GLI3: variants seen among roughly 807,000 people sequenced by gnomAD.
GLI3 encodes transcription activator GLI3.
A neutral mutation model predicts 100.8 loss-of-function variants in GLI3; 20 were observed. The ratio of observed to expected loss-of-function variants is 0.20; its 90% CI spans 0.14 to 0.29. The LOEUF (loss-of-function observed/expected upper bound fraction) is 0.29. Among genes scored for constraint, GLI3 ranks in the 10% least tolerant of loss-of-function variants. The pLI is 1.00. For synonymous variants in GLI3, 938 were observed against 860.5 expected, an observed-to-expected ratio of 1.09 and a Z score of -1.58; for missense variants, 2,040 against 2,128.5, an observed-to-expected ratio of 0.96 and a Z score of 0.82.
At chr7:42,193,722 A>G (rs1294352964) in intron 2 of GLI3, among the ~76,000 whole-genome samples, 1 of 152,170 alleles carries the variant, frequency 6.6e-6, no homozygotes, top group African/African-American at 2.4e-5. Flanking sequence ...CTGGATATAA[A>G]TCAAACAGGC....
At chr7:42,052,282 G>A (rs1439436126) in intron 4 of GLI3, among the ~76,000 whole-genome samples, 2 of 152,120 alleles carry the variant, frequency 1.3e-5, no homozygotes, top group African/African-American at 4.8e-5. Context: ...TCTGTGTCCA[G>A]GTTTTTTGTG....
chr7:42,045,586 T>C, intron 5 of GLI3, 56 bp from the exon 6 acceptor site: 1 of 1,545,870 alleles, frequency 6.5e-7, no homozygotes, highest in East Asian at 2.3e-5. Flanking sequence ...ACTAGAAGTT[T>C]CTCTTGAGGC....
intron 1 of GLI3, among the ~76,000 whole-genome samples, chr7:42,236,141 A>G (rs1747525615): frequency 6.6e-6 from 1 of 152,126 alleles, no homozygotes; most frequent in South Asian, 2.1e-4. Flanking sequence ...TCCGCTTCGG[A>G]CAATCTGCTT....
intron 3 of GLI3, among the ~76,000 whole-genome samples, chr7:42,116,901 T>TA (rs1352321769): frequency 1.3e-5 from 2 of 152,094 alleles, no homozygotes; most frequent in East Asian, 1.9e-4. Flanking sequence ...CTCAGCTACT[T>TA]ACGGCAATTC....
chr7:42,237,835 C>A (rs1349025611), upstream of GLI3: 1 of 151,342 alleles, frequency 6.6e-6, no homozygotes, highest in African/African-American at 2.4e-5. Flanking sequence ...GCTTCTCCCG[C>A]CCGCCGGGTC....
chr7:42,234,218 G>C (rs1160616567), intron 1 of GLI3, among the ~76,000 whole-genome samples: 1 of 152,116 alleles, frequency 6.6e-6, no homozygotes, highest in Non-Finnish European at 1.5e-5. Context: ...CCATGTAAGT[G>C]AGTGCATGCA....
intron 12 of GLI3, among the ~76,000 whole-genome samples, chr7:41,975,015 C>A (rs1022782046): frequency 1.3e-5 from 2 of 152,170 alleles, no homozygotes; most frequent in African/African-American, 2.4e-5. Context: ...TCTCAAGTCT[C>A]CCTATAGGAA....
At chr7:42,100,441 A>G (rs1785434551) in intron 3 of GLI3, among the ~76,000 whole-genome samples, 1 of 152,164 alleles carries the variant, frequency 6.6e-6, no homozygotes. Flanking sequence ...TGTCTTTATA[A>G]GAGGGGATCT....
intron 2 of GLI3, among the ~76,000 whole-genome samples, chr7:42,192,464 C>CA (rs1178687176): frequency 2.0e-5 from 3 of 151,612 alleles, no homozygotes; most frequent in Non-Finnish European, 4.4e-5. Context: ...TAGATAAAGA[C>CA]AAAAGAAAAG....
At chr7:42,055,116 C>CACATATATGTATATATACACAT (rs1784432696) in intron 4 of GLI3, among the ~76,000 whole-genome samples, 1 of 126,092 alleles carries the variant, frequency 7.9e-6, no homozygotes, top group South Asian at 2.5e-4. Context: ...TATATATACA[C>CACATATATGTATATATACACAT]ATATATATAC....
chr7:42,241,091 G>C (rs1032576022), upstream of GLI3, among the ~76,000 whole-genome samples: 1 of 152,134 alleles, frequency 6.6e-6, no homozygotes, highest in Non-Finnish European at 1.5e-5. Flanking sequence ...TTGGGTGGCT[G>C]TTTTTATTGA....
At chr7:42,117,054 A>T (rs1785877250) in intron 3 of GLI3, among the ~76,000 whole-genome samples, 1 of 152,226 alleles carries the variant, frequency 6.6e-6, no homozygotes, top group Non-Finnish European at 1.5e-5. Context: ...AATTGTAGGT[A>T]AACGCTCAAC....
At chr7:41,991,353 G>A (rs9648516) in intron 10 of GLI3, among the ~76,000 whole-genome samples, 20,331 of 152,094 alleles carry the variant, frequency 0.13, 1,503 homozygotes, top group East Asian at 0.29. Flanking sequence ...AAGCCCCTCC[G>A]CTTCGGCATG....
At chr7:42,185,633 G>A (rs1486669181) in intron 2 of GLI3, among the ~76,000 whole-genome samples, 3 of 152,226 alleles carry the variant, frequency 2.0e-5, no homozygotes, top group Admixed American at 1.3e-4. Flanking sequence ...ATGTGCTACA[G>A]CTTCCCTTGT....
At chr7:42,180,598 C>CGCTCAGCA (rs1024934838) in intron 2 of GLI3, among the ~76,000 whole-genome samples, 3 of 152,144 alleles carry the variant, frequency 2.0e-5, no homozygotes, top group African/African-American at 7.2e-5. Context: ...ACCCAGGATG[C>CGCTCAGCA]GCTCAGCATT....
chr7:42,147,683 G>T (rs1044201407), intron 3 of GLI3, among the ~76,000 whole-genome samples: 3 of 152,184 alleles, frequency 2.0e-5, no homozygotes, highest in Non-Finnish European at 2.9e-5. Context: ...TGGCACGCTG[G>T]TTAGAGAGGA....
rs766649674 is a variant in GLI3 at position 41,972,647 on chromosome 7, C to G, written c.1813-20G>C. On this transcript the variant is annotated intron_variant, in intron 12 of 14. Transcript: ENST00000395925. The surrounding 1 kb of genome is among the most constrained non-coding windows in gnomAD (Gnocchi z 4.4). ...TGGTTTCTGCCAAATCCCACAAGAA[C>G]GAGGTAAGAGATTGTTATGAAAGAG... 1 of 1,597,914 alleles carries G rather than the reference C, an allele frequency of 6.3e-7. No homozygotes were observed. The highest frequency in any genetic ancestry group is 2.2e-5 in the East Asian group (1 of 44,858).
chr7:42,030,696 G>GTTTTTTTTTTTTTTTTTTT (rs201325272), intron 7 of GLI3, among the ~76,000 whole-genome samples: 5 of 133,466 alleles, frequency 3.7e-5, no homozygotes, highest in Non-Finnish European at 6.5e-5. Flanking sequence ...TTGTTGATTT[G>GTTTTTTTTTTTTTTTTTTT]TTTTTTTTTT....
chr7:42,230,145 A>G (rs1353031779), intron 1 of GLI3, among the ~76,000 whole-genome samples: 1 of 149,874 alleles, frequency 6.7e-6, no homozygotes, highest in Admixed American at 6.7e-5. Context: ...TCTTAATGAA[A>G]TCTTCATTAA....
Sources: allele counts gnomAD v4.1 joint callset (sites outside exome capture counted in the v4.1 genomes callset), GRCh38; gene constraint gnomAD v4.1.1; non-coding constraint Gnocchi (gnomAD v3.1); transcripts MANE v1.5; gene names NCBI Gene and HGNC (gene_info 2026-07-23, HGNC 2026-07-21).